ZNF385B: variants seen among roughly 807,000 people sequenced by gnomAD.
ZNF385B encodes zinc finger protein 533.
In ZNF385B, 23 loss-of-function variants were observed where a neutral mutation model predicts 39.2. The observed-to-expected ratio is 0.59, with a 90% CI of 0.42 to 0.83. The LOEUF is 0.83. Among genes scored for constraint, ZNF385B ranks in the 40% least tolerant of loss-of-function variants. The pLI is 0.00. For synonymous variants in ZNF385B, 205 were observed against 222.6 expected, an observed-to-expected ratio of 0.92 and a Z score of 0.70; for missense variants, 552 against 598.9, an observed-to-expected ratio of 0.92 and a Z score of 0.82.
At chr2:179,501,068 C>G (rs1169409491) in intron 5 of ZNF385B, among the ~76,000 whole-genome samples, 3 of 152,074 alleles carry the variant, frequency 2.0e-5, no homozygotes, top group Non-Finnish European at 4.4e-5. Flanking sequence ...GTTGAAATGG[C>G]TTATATCCAA....
intron 1 of ZNF385B, among the ~76,000 whole-genome samples, chr2:179,841,730 A>T (rs559267202): frequency 6.6e-6 from 1 of 152,326 alleles, no homozygotes; most frequent in East Asian, 1.9e-4. Flanking sequence ...ATTGAGAGCC[A>T]CTGGTTTAGG....
intron 4 of ZNF385B, among the ~76,000 whole-genome samples, chr2:179,539,755 ACATCT>A (rs1267660707): frequency 6.6e-6 from 1 of 152,184 alleles, no homozygotes; most frequent in African/African-American, 2.4e-5. Context: ...AAAAATGAAA[ACATCT>A]CTACTAAGAT....
chr2:179,815,815 A>T (rs1707029797), intron 1 of ZNF385B, among the ~76,000 whole-genome samples: 2 of 152,126 alleles, frequency 1.3e-5, no homozygotes, highest in Non-Finnish European at 2.9e-5. Flanking sequence ...ATTTGTTTCC[A>T]GGACACCACT....
intron 1 of ZNF385B, among the ~76,000 whole-genome samples, chr2:179,815,879 C>G (rs1393787217): frequency 6.6e-6 from 1 of 152,174 alleles, no homozygotes; most frequent in Non-Finnish European, 1.5e-5. Context: ...TTTCATCTAT[C>G]TGATTATAAA....
At chr2:179,461,977 C>A (rs988330922) in intron 6 of ZNF385B, among the ~76,000 whole-genome samples, 1 of 152,164 alleles carries the variant, frequency 6.6e-6, no homozygotes, top group Non-Finnish European at 1.5e-5. Flanking sequence ...GAAAAAAGTT[C>A]TCAGGTCACC....
intron 4 of ZNF385B, among the ~76,000 whole-genome samples, chr2:179,543,989 T>C (rs2060078422): frequency 6.6e-6 from 1 of 152,232 alleles, no homozygotes. Context: ...TTTACAATGC[T>C]GTATCATTAA....
intron 4 of ZNF385B, among the ~76,000 whole-genome samples, chr2:179,522,619 C>G (rs181794386): frequency 6.6e-6 from 1 of 152,086 alleles, no homozygotes; most frequent in Non-Finnish European, 1.5e-5. Context: ...TTTAAAGATT[C>G]ATTTGGCATT....
chr2:179,822,353 G>T (rs1431456473), intron 1 of ZNF385B, among the ~76,000 whole-genome samples: 1 of 152,168 alleles, frequency 6.6e-6, no homozygotes, highest in Non-Finnish European at 1.5e-5. Flanking sequence ...ATACACTAAC[G>T]TGTAAAACAT....
chr2:179,565,275 T>C (rs1178895853), intron 3 of ZNF385B, among the ~76,000 whole-genome samples: 2 of 152,190 alleles, frequency 1.3e-5, no homozygotes, highest in Admixed American at 1.3e-4. Context: ...CATACATTAA[T>C]TGACTTAGCC....
chr2:179,796,981 G>C (rs1007599648), intron 1 of ZNF385B, among the ~76,000 whole-genome samples: 5 of 152,006 alleles, frequency 3.3e-5, no homozygotes, highest in African/African-American at 9.7e-5. Context: ...AAAGTGACTA[G>C]AGCAACTGTC....
intron 3 of ZNF385B, among the ~76,000 whole-genome samples, chr2:179,649,752 G>A (rs1359204249): frequency 1.3e-5 from 2 of 151,918 alleles, no homozygotes; most frequent in African/African-American, 4.8e-5. Flanking sequence ...AAATTTATTT[G>A]GGGAAATAAG....
At chr2:179,576,155 A>G in intron 3 of ZNF385B, 2 of 985,388 alleles carry the variant, frequency 2.0e-6, no homozygotes, top group African/African-American at 1.7e-5. Context: ...CATCCCTGTG[A>G]CTGACTTCTG....
intron 5 of ZNF385B, among the ~76,000 whole-genome samples, chr2:179,490,731 G>A (rs1287321854): frequency 6.6e-6 from 1 of 151,948 alleles, no homozygotes; most frequent in Non-Finnish European, 1.5e-5. Context: ...TTCAATTACT[G>A]GAAGGCAGAT....
intron 1 of ZNF385B, among the ~76,000 whole-genome samples, chr2:179,773,094 C>T (rs867458897): frequency 1.3e-5 from 2 of 152,038 alleles, no homozygotes; most frequent in South Asian, 4.1e-4. Context: ...GGATGCAATC[C>T]GTCAGGAAAT....
intron 1 of ZNF385B, among the ~76,000 whole-genome samples, chr2:179,810,437 T>A (rs1450772684): frequency 6.6e-6 from 1 of 151,954 alleles, no homozygotes; most frequent in Non-Finnish European, 1.5e-5. Context: ...ATTCTTTATT[T>A]TTTTAGTATG....
At chr2:179,849,713 G>T (rs912321986) in intron 1 of ZNF385B, among the ~76,000 whole-genome samples, 4 of 152,174 alleles carry the variant, frequency 2.6e-5, no homozygotes, top group African/African-American at 9.7e-5. Flanking sequence ...ATAAACATTA[G>T]CATTTACTAT....
chr2:179,515,339 T>C (rs1437488776), intron 5 of ZNF385B, among the ~76,000 whole-genome samples: 1 of 152,192 alleles, frequency 6.6e-6, no homozygotes, highest in Non-Finnish European at 1.5e-5. Flanking sequence ...GTGCATCTTT[T>C]GCACGATTTT....
intron 6 of ZNF385B, among the ~76,000 whole-genome samples, chr2:179,469,703 A>G (rs2052520005): frequency 1.3e-5 from 2 of 152,168 alleles, no homozygotes; most frequent in South Asian, 4.2e-4. Flanking sequence ...CTTCTTAGTA[A>G]AAAACAAGGA....
chr2:179,721,733 A>T (rs925044638), intron 3 of ZNF385B, among the ~76,000 whole-genome samples: 1 of 152,072 alleles, frequency 6.6e-6, no homozygotes, highest in Non-Finnish European at 1.5e-5. Flanking sequence ...TATTTATAGG[A>T]TAGCTATTAA....
Sources: allele counts gnomAD v4.1 joint callset (sites outside exome capture counted in the v4.1 genomes callset), GRCh38; gene constraint gnomAD v4.1.1; transcripts MANE v1.5; gene names NCBI Gene and HGNC (gene_info 2026-07-23, HGNC 2026-07-21).